MROH2B: variants seen among roughly 807,000 people sequenced by gnomAD.
MROH2B encodes maestro heat-like repeat-containing protein family member 2B.
MROH2B carries 177 observed loss-of-function variants against 208.6 expected under a neutral mutation model. The ratio of observed to expected loss-of-function variants is 0.85; its 90% CI spans 0.75 to 0.96. MROH2B has a LOEUF of 0.96. Among genes scored for constraint, MROH2B ranks in the 40% least tolerant of loss-of-function variants. The pLI is 0.00. For missense variants in MROH2B, 2,002 were observed against 1,878.7 expected, an observed-to-expected ratio of 1.07 and a Z score of -1.21; for synonymous variants, 728 against 659.0, an observed-to-expected ratio of 1.10 and a Z score of -1.60.
intron 23 of MROH2B, 80 bp downstream of exon 23, chr5:41,032,961 T>C: frequency 6.3e-7 from 1 of 1,581,370 alleles, no homozygotes; most frequent in Non-Finnish European, 8.6e-7. Flanking sequence ...GTGAAGTCTA[T>C]TCACTTTTTA....
At chr5:41,034,885 G>A (rs1742702547) in intron 21 of MROH2B, among the ~76,000 whole-genome samples, 1 of 152,030 alleles carries the variant, frequency 6.6e-6, no homozygotes, top group South Asian at 2.1e-4. Flanking sequence ...TAGGGATACA[G>A]TTAACTAAGG....
intron 24 of MROH2B, 107 bp downstream of exon 24, chr5:41,032,635 C>T (rs1332446146): frequency 1.0e-5 from 9 of 860,706 alleles, no homozygotes; most frequent in Non-Finnish European, 1.5e-5. Context: ...GAACTGTGTT[C>T]AGTTTTGGGA....
At chr5:41,040,736 G>A (rs888320185) in intron 19 of MROH2B, among the ~76,000 whole-genome samples, 3 of 152,000 alleles carry the variant, frequency 2.0e-5, no homozygotes, top group East Asian at 1.9e-4. Context: ...GTGCGATCTC[G>A]GCTCACTGCA....
chr5:41,047,437 T>A (rs755751869), intron 17 of MROH2B, among the ~76,000 whole-genome samples: 14 of 152,176 alleles, frequency 9.2e-5, no homozygotes, highest in Non-Finnish European at 1.9e-4. Context: ...AGTAAAAACT[T>A]GAAAATTAGA....
intron 11 of MROH2B, among the ~76,000 whole-genome samples, chr5:41,052,971 T>C (rs1490757860): frequency 6.6e-6 from 1 of 152,142 alleles, no homozygotes. Context: ...GCTCAACCTG[T>C]ATAAATAGAG....
intron 9 of MROH2B, among the ~76,000 whole-genome samples, chr5:41,056,651 G>C (rs1016315207): frequency 6.6e-6 from 1 of 151,748 alleles, no homozygotes; most frequent in East Asian, 1.9e-4. Flanking sequence ...AAAAAGGATA[G>C]AGTGAAGGAC....
rs1419874208 is a variant in MROH2B, at chr5:41,018,879, A to G, written c.2577+4T>C. ...CATCCTACTTAGGCCTCACTAGTGC[A>G]TACTTGAATGTGCTCCTTGTCCTTG... On this transcript the variant is annotated splice_donor_region_variant and intron_variant, in intron 25 of 41. Coordinates refer to ENST00000399564, the MANE Select transcript of MROH2B (RefSeq NM_173489.5). The G allele has an allele frequency of 1.2e-6, 2 of 1,613,886 alleles. No individual in the cohort carries two copies. The highest frequency in any genetic ancestry group is 1.7e-6 in the Non-Finnish European group (2 of 1,179,868).
chr5:41,064,456 T>A lies in MROH2B; in HGVS notation c.460+16A>T. 4 of 1,607,938 alleles carry A rather than the reference T, an allele frequency of 2.5e-6. No individual in the cohort carries two copies. The highest frequency in any genetic ancestry group is 3.4e-6 in the Non-Finnish European group (4 of 1,175,648). On this transcript the variant is annotated intron_variant, in intron 5 of 41. Coordinates refer to ENST00000399564, the MANE Select transcript of MROH2B (RefSeq NM_173489.5). ...GCCTGGTTTTTAAGCAAAAAGGAAA[T>A]CATCGGGATACCCACCAATACAGAA...
At chr5:41,060,265 G>A (rs17257858) in intron 6 of MROH2B, among the ~76,000 whole-genome samples, 42,986 of 152,022 alleles carry the variant, frequency 0.28, 7,039 homozygotes, top group Non-Finnish European at 0.38. Context: ...CTAGCAGGTA[G>A]TCTTATCTTA....
intron 37 of MROH2B, 118 bp downstream of exon 37, chr5:41,004,228 T>G (rs1178833112): frequency 2.5e-5 from 30 of 1,189,168 alleles, no homozygotes; most frequent in Non-Finnish European, 3.4e-5. Context: ...AGGTGACCTG[T>G]CTGGGGCAGG....
chr5:41,028,530 T>A (rs1309137152), intron 24 of MROH2B, among the ~76,000 whole-genome samples: 3 of 152,192 alleles, frequency 2.0e-5, no homozygotes, highest in African/African-American at 2.4e-5. Context: ...TCTGACATTT[T>A]AAAAAATTCC....
At chr5:41,069,850 CCTCT>C (rs35526955) in intron 1 of MROH2B, 98 bp from the exon 2 acceptor site, 214,872 of 765,952 alleles carry the variant, frequency 0.28, 34,618 homozygotes, top group Non-Finnish European at 0.3. Context: ...ATTCATTTAT[CCTCT>C]CTCTCTCTCT....
chr5:41,019,826 G>T (rs1440940481), intron 24 of MROH2B, among the ~76,000 whole-genome samples: 3 of 152,130 alleles, frequency 2.0e-5, no homozygotes, highest in African/African-American at 4.8e-5. Flanking sequence ...TGCTTTAAAA[G>T]AAATTAATGT....
chr5:41,032,915 G>A, intron 23 of MROH2B, 94 bp from the exon 24 acceptor site: 2 of 1,546,646 alleles, frequency 1.3e-6, no homozygotes, highest in South Asian at 1.2e-5. Flanking sequence ...GGTGCCCTGG[G>A]TCATAAACAA....
intron 24 of MROH2B, among the ~76,000 whole-genome samples, chr5:41,022,560 A>G (rs1243230106): frequency 2.0e-5 from 3 of 152,316 alleles, no homozygotes; most frequent in South Asian, 4.1e-4. Flanking sequence ...AGAAGCTCGA[A>G]CTTGGTGGAG....
chr5:41,070,826 T>C lies in MROH2B; in HGVS notation c.27A>G (p.Ile9Met). 6.2e-7 allele frequency: 1 copy of C among 1,610,772 alleles called. No homozygotes were observed. Residue 9 changes from isoleucine (I) to methionine (M), a missense_variant and splice_region_variant, in exon 1 of 42, where the codon ATA (isoleucine) becomes ATG (methionine). Physicochemically the swap from Ile to Met is conservative, Grantham distance 10. Transcript: ENST00000399564. The part of the protein sequence containing the change: MTLSTEES[I>M]EMFGDINLTL... Reference sequence around the variant, plus strand: ...TTCTCAGGATCTGATGATGCTTACCTATGGATTCCTCTGTACTAAGTGTCA... The same window carrying C: ...TTCTCAGGATCTGATGATGCTTACCCATGGATTCCTCTGTACTAAGTGTCA...
intron 28 of MROH2B, among the ~76,000 whole-genome samples, chr5:41,016,387 A>G (rs1741948634): frequency 6.6e-6 from 1 of 151,256 alleles, no homozygotes; most frequent in African/African-American, 2.4e-5. Context: ...AATTTTTCAT[A>G]TTTTAGGAAA....
chr5:41,065,391 T>A lies in MROH2B; in HGVS notation c.301A>T (p.Ile101Phe). ...ACGAATTCATCTGGTAGCTCTAAGA[T>A]CCTGAAGTTACTTTGTACTTCATAC... is the stretch of plus-strand genomic sequence containing the variant. Reference protein sequence around the residue: ...VMYEVQSNFRILELPDEFVVL... With the variant: ...VMYEVQSNFRFLELPDEFVVL... Residue 101 changes from isoleucine (I) to phenylalanine (F), a missense_variant, in exon 4 of 42, where the codon ATC (isoleucine) becomes TTC (phenylalanine). Physicochemically the swap from Ile to Phe is conservative, Grantham distance 21. Coordinates refer to ENST00000399564, the MANE Select transcript of MROH2B (RefSeq NM_173489.5). 6.2e-7 allele frequency: 1 copy of A among 1,613,562 alleles called. No individual in the cohort carries two copies. Among genetic ancestry groups the A allele is most frequent in the Non-Finnish European group, 8.5e-7 (1 of 1,179,662 alleles).
chr5:41,066,716 A>AT (rs1433783356), intron 3 of MROH2B, among the ~76,000 whole-genome samples: 1 of 152,274 alleles, frequency 6.6e-6, no homozygotes, highest in Admixed American at 6.5e-5. Context: ...ACAAATTATT[A>AT]TTTTTTTGCT....
Sources: gnomAD v4.1 joint callset for allele counts (sites outside exome capture counted in the v4.1 genomes callset) on GRCh38, gnomAD v4.1.1 for gene constraint, MANE v1.5 for transcripts, NCBI Gene and HGNC (gene_info 2026-07-23, HGNC 2026-07-21) for gene names.